Variants in CAMTA1 observed in about 807,000 individuals in gnomAD.
The protein encoded by CAMTA1 is calmodulin-binding transcription activator 1.
CAMTA1 carries 27 observed loss-of-function variants against 170.9 expected under a neutral mutation model. That is an observed-to-expected ratio of 0.16 (90% CI 0.12 to 0.22). The LOEUF is 0.22. Ranked by LOEUF, CAMTA1 falls within the 10% of genes least tolerant of loss-of-function variation. The pLI is 1.00. For synonymous variants in CAMTA1, 833 were observed against 891.5 expected (o/e 0.93, Z 1.17); for missense variants, 1,619 against 2,217.2 (o/e 0.73, Z 5.42).
At position 6,899,996 on chromosome 1, in the gene CAMTA1, G is replaced by A. The variant is rs376249980; in HGVS notation, c.234+74786G>A. Among the ~76,000 whole-genome samples, 113 of 152,284 alleles carry A rather than the reference G, an allele frequency of 7.4e-4. No homozygotes were observed. The South Asian group carries it at 0.022, about 30-fold the overall frequency. ...AGTTACCTATAATTGAGACCTTTTC[G>A]TGTGTCTCTTTGCTGGTGGGAAAAA... On this transcript the variant is annotated intron_variant, in intron 3 of 22. Transcript: ENST00000303635.
intron 5 of CAMTA1, among the ~76,000 whole-genome samples, chr1:7,453,612 T>G (rs1027123806): frequency 6.6e-6 from 1 of 152,208 alleles, no homozygotes; most frequent in South Asian, 2.1e-4. Flanking sequence ...CCTGCACCTG[T>G]CCCTGGAGGG....
intron 3 of CAMTA1, among the ~76,000 whole-genome samples, chr1:6,845,480 T>C (rs956202394): frequency 6.6e-6 from 1 of 152,214 alleles, no homozygotes; most frequent in Non-Finnish European, 1.5e-5. Flanking sequence ...GCTGCAATAG[T>C]GATGGTTGCA....
intron 3 of CAMTA1, among the ~76,000 whole-genome samples, chr1:6,974,299 C>T (rs966347812): frequency 6.6e-6 from 1 of 152,174 alleles, no homozygotes; most frequent in Non-Finnish European, 1.5e-5. Context: ...CCATAATATC[C>T]CTTCAGTTTC....
rs548765573 is a variant in CAMTA1, at chr1:6,984,545, C to T, written c.235-106759C>T. ...AGGGGAATCACTTGAACCTGGGAGG[C>T]GGAGGTTGCAGTGAGCCGAGATGGC... On this transcript the variant is annotated intron_variant, in intron 3 of 22. Coordinates refer to ENST00000303635, the MANE Select transcript of CAMTA1 (RefSeq NM_015215.4). 4.6e-5 allele frequency among the ~76,000 whole-genome samples: 7 copies of T among 152,102 alleles called. No homozygotes were observed. In the East Asian group the frequency reaches 1.4e-3, roughly 29 times the overall value.
chr1:7,486,358 G>A (rs1438152012), intron 6 of CAMTA1, among the ~76,000 whole-genome samples: 1 of 152,158 alleles, frequency 6.6e-6, no homozygotes, highest in East Asian at 1.9e-4. Flanking sequence ...AATGTACCAG[G>A]CTGCTTTCAT....
intron 6 of CAMTA1, among the ~76,000 whole-genome samples, chr1:7,632,470 G>C (rs1170633816): frequency 2.0e-5 from 3 of 152,246 alleles, no homozygotes; most frequent in Admixed American, 2.0e-4. Flanking sequence ...GGAACGCCAT[G>C]CCACTCTGAT....
In CAMTA1 at chr1:7,744,815, C is replaced by T. The variant is rs747462055; in HGVS notation, c.4183-20C>T. 2.5e-6 allele frequency: 4 copies of T among 1,605,808 alleles called. No homozygotes were observed. Among genetic ancestry groups the T allele is most frequent in the Non-Finnish European group, 3.4e-6 (4 of 1,175,578 alleles). ...AAGGTTCCTTTCTAACCTGAGTGTTCTGTGAACTTCTGACTTCAGGTGAAC... is the reference window on the plus strand; with the variant it reads ...AAGGTTCCTTTCTAACCTGAGTGTTTTGTGAACTTCTGACTTCAGGTGAAC... On this transcript the variant is annotated intron_variant, in intron 16 of 22. Transcript: ENST00000303635.
intron 4 of CAMTA1, among the ~76,000 whole-genome samples, chr1:7,102,879 C>T (rs183062357): frequency 1.3e-5 from 2 of 152,208 alleles, no homozygotes; most frequent in Admixed American, 6.5e-5. Context: ...GAACTGTCAC[C>T]TTCTTTAGTT....
intron 5 of CAMTA1, among the ~76,000 whole-genome samples, chr1:7,377,875 TGTAC>T (rs2086965221): frequency 6.6e-6 from 1 of 152,094 alleles, no homozygotes; most frequent in Non-Finnish European, 1.5e-5. Flanking sequence ...GAGCTGAGAC[TGTAC>T]CACTGCACTC....
chr1:6,893,976 C>G (rs1016301590), intron 3 of CAMTA1, among the ~76,000 whole-genome samples: 1 of 152,126 alleles, frequency 6.6e-6, no homozygotes, highest in African/African-American at 2.4e-5. Flanking sequence ...CCTTTCTCCT[C>G]TCTCTTTTCT....
chr1:7,737,061 AGGATT>A, intron 14 of CAMTA1, 52 bp downstream of exon 14: 2 of 1,472,774 alleles, frequency 1.4e-6, no homozygotes, highest in Non-Finnish European at 1.9e-6. Context: ...AGTCTGGCAT[AGGATT>A]TGCCTGGTTC....
At chr1:7,175,076 G>A (rs1292050217) in intron 4 of CAMTA1, among the ~76,000 whole-genome samples, 10 of 152,130 alleles carry the variant, frequency 6.6e-5, no homozygotes, top group Non-Finnish European at 1.2e-4. Context: ...GTGTATGTGC[G>A]TGTCTGCAGG....
Position 7,738,145 on chromosome 1 carries a change from C to G in CAMTA1, c.3845C>G (p.Ser1282Cys). The change falls in exon 16 of 23, where the codon TCT (serine) becomes TGT (cysteine). Residue 1282 changes from serine (S) to cysteine (C), a missense_variant. Ser to Cys is a moderately radical substitution (Grantham distance 112). Transcript: ENST00000303635. This position sits in a 1 kb window ranked among gnomAD's most constrained non-coding sequence, Gnocchi z 4.9. ...IRKQSPSSKQ[S>C]VPETLSPSEG... ...AAGCAAAGCCCTAGTTCTAAGCAGT[C>G]TGTCCCCGAGACACTCAGCCCCAGT... 1.2e-6 allele frequency: 2 copies of G among 1,614,138 alleles called. No homozygotes were observed. Among genetic ancestry groups the G allele is most frequent in the Non-Finnish European group, 1.7e-6 (2 of 1,180,008 alleles).
chr1:7,132,981 G>T (rs1645349076), intron 4 of CAMTA1, among the ~76,000 whole-genome samples: 1 of 151,980 alleles, frequency 6.6e-6, no homozygotes. Context: ...TATATAGCTG[G>T]ATTTTATTTG....
intron 10 of CAMTA1, among the ~76,000 whole-genome samples, chr1:7,677,053 T>A (rs2096128610): frequency 6.6e-6 from 1 of 152,146 alleles, no homozygotes; most frequent in Non-Finnish European, 1.5e-5. Context: ...CCACTGGGGC[T>A]GAGCTGGGGC....
chr1:7,362,334 T>C (rs1224597807), intron 5 of CAMTA1, among the ~76,000 whole-genome samples: 2 of 152,096 alleles, frequency 1.3e-5, no homozygotes, highest in South Asian at 2.1e-4. Flanking sequence ...TGGACTTGAA[T>C]AGGATTATTG....
At chr1:7,207,319 A>G (rs1657915219) in intron 4 of CAMTA1, among the ~76,000 whole-genome samples, 2 of 152,216 alleles carry the variant, frequency 1.3e-5, no homozygotes, top group Admixed American at 1.3e-4. Flanking sequence ...AGTGATACCC[A>G]GTGAGCGTGT....
rs2096224079 is a variant in CAMTA1, at chr1:7,682,975, TC to T, written c.2914+5244del. On this transcript the variant is annotated intron_variant, in intron 11 of 22. Transcript: ENST00000303635. This position sits in a 1 kb window ranked among gnomAD's most constrained non-coding sequence, Gnocchi z 5.0. ...TCACAAGGTCAGGAGATCGAGCCCATCCTGGTTAACACGGTGAAACCCCGCC... is the reference window on the plus strand; with the variant it reads ...TCACAAGGTCAGGAGATCGAGCCCATCTGGTTAACACGGTGAAACCCCGCC... Among the ~76,000 whole-genome samples, 1 of 152,082 alleles carries T rather than the reference TC, an allele frequency of 6.6e-6. No homozygotes were observed. The highest frequency in any genetic ancestry group is 2.4e-5 in the African/African-American group (1 of 41,410).
chr1:6,848,342 A>C (rs1465741067), intron 3 of CAMTA1, among the ~76,000 whole-genome samples: 1 of 152,172 alleles, frequency 6.6e-6, no homozygotes, highest in East Asian at 1.9e-4. Flanking sequence ...TTGTAAAGAC[A>C]GAGTCTCCCT....
Sources: allele counts gnomAD v4.1 joint callset (sites outside exome capture counted in the v4.1 genomes callset), GRCh38; gene constraint gnomAD v4.1.1; non-coding constraint Gnocchi (gnomAD v3.1); transcripts MANE v1.5; gene names NCBI Gene and HGNC (gene_info 2026-07-23, HGNC 2026-07-21).